RORA: variants seen among roughly 807,000 people sequenced by gnomAD.
RORA encodes nuclear receptor ROR-alpha.
Under a neutral mutation model 69.5 loss-of-function variants are expected in RORA, and 7 were observed. The observed-to-expected ratio is 0.10, with a 90% confidence interval of 0.06 to 0.19. The LOEUF (loss-of-function observed/expected upper bound fraction) is 0.19, where lower values mean the gene tolerates loss of function less well. Among genes scored for constraint, RORA ranks in the 10% least tolerant of loss-of-function variants. RORA has a pLI of 1.00. For synonymous variants in RORA, 261 were observed against 240.8 expected (o/e 1.08, Z -0.78); for missense variants, 457 against 663.0 (o/e 0.69, Z 3.41).
At position 60,859,474 on chromosome 15, in the gene RORA, CTT is replaced by C. The variant is rs3053901; in HGVS notation, c.167-180790_167-180789del. On this transcript the variant is annotated intron_variant, in intron 1 of 10. Transcript: ENST00000335670. ...CTTACTGAATCTGAATTTTCTTTGC[CTT>C]TTTTTTTTTTTTTTTTGAGACAGGG... 2.9e-3 allele frequency among the ~76,000 whole-genome samples: 386 copies of C among 135,406 alleles called. 1 individual carries two copies. Among genetic ancestry groups the C allele is most frequent in the Non-Finnish European group, 4.8e-3 (302 of 62,956 alleles). 88.8% of individuals were successfully genotyped at this position (135,406 alleles called of 152,430 possible).
chr15:60,627,395 C>T (rs377593172), intron 2 of RORA: 1 of 1,613,944 alleles, frequency 6.2e-7, no homozygotes, highest in East Asian at 2.2e-5. Flanking sequence ...GGTTACCCAT[C>T]TGCCTCCAGA....
At chr15:60,547,580 C>A (rs948991935) in intron 2 of RORA, 1 of 150,848 alleles carries the variant, frequency 6.6e-6, no homozygotes, top group Non-Finnish European at 1.5e-5. Flanking sequence ...CCCACTTTGG[C>A]ATCCCAAAGT....
At chr15:61,141,858 G>A (rs1023082835) in intron 1 of RORA, among the ~76,000 whole-genome samples, 7 of 152,204 alleles carry the variant, frequency 4.6e-5, no homozygotes, top group Non-Finnish European at 1.0e-4. Flanking sequence ...GCTTGGATTG[G>A]ACTAACACCT....
intron 1 of RORA, among the ~76,000 whole-genome samples, chr15:60,907,290 T>C (rs1891572505): frequency 6.6e-6 from 1 of 152,048 alleles, no homozygotes; most frequent in Non-Finnish European, 1.5e-5. Flanking sequence ...TCATTGGGGA[T>C]TCATGGAATA....
chr15:60,868,804 G>C (rs913662667), intron 1 of RORA, among the ~76,000 whole-genome samples: 2 of 152,160 alleles, frequency 1.3e-5, no homozygotes, highest in African/African-American at 4.8e-5. Flanking sequence ...GCATTTTCCA[G>C]GGGGGAAAAA....
At chr15:60,616,336 G>A (rs547584205) in intron 2 of RORA, among the ~76,000 whole-genome samples, 5 of 152,252 alleles carry the variant, frequency 3.3e-5, no homozygotes, top group South Asian at 2.1e-4. Flanking sequence ...CAGCGCATGC[G>A]TCTGCCCTCT....
At chr15:60,675,219 C>T (rs1035694911) in intron 2 of RORA, among the ~76,000 whole-genome samples, 4 of 152,192 alleles carry the variant, frequency 2.6e-5, no homozygotes, top group Non-Finnish European at 4.4e-5. Flanking sequence ...ACCAACACAG[C>T]AGCTGATTCC....
chr15:60,502,443 G>A (rs2065360112), intron 8 of RORA, among the ~76,000 whole-genome samples: 1 of 152,012 alleles, frequency 6.6e-6, no homozygotes, highest in South Asian at 2.1e-4. Flanking sequence ...ACATCCTAAA[G>A]GTCATCCGAA....
At chr15:60,889,560 C>T (rs774295885) in intron 1 of RORA, among the ~76,000 whole-genome samples, 3 of 152,144 alleles carry the variant, frequency 2.0e-5, no homozygotes, top group African/African-American at 4.8e-5. Flanking sequence ...TTGGGGAGAG[C>T]GACAGTTGGA....
chr15:61,020,610 G>C (rs1438791666), intron 1 of RORA, among the ~76,000 whole-genome samples: 1 of 152,142 alleles, frequency 6.6e-6, no homozygotes, highest in African/African-American at 2.4e-5. Flanking sequence ...CCCTCAGAGA[G>C]ACTGATCAAA....
intron 1 of RORA, among the ~76,000 whole-genome samples, chr15:60,938,567 A>AATGCT (rs1245622380): frequency 6.6e-6 from 1 of 152,164 alleles, no homozygotes; most frequent in Non-Finnish European, 1.5e-5. Flanking sequence ...ATGTGGCATT[A>AATGCT]ATGCTACTCA....
At chr15:60,841,185 A>C in intron 1 of RORA, 1 of 532,428 alleles carries the variant, frequency 1.9e-6, no homozygotes, top group South Asian at 8.1e-5. Flanking sequence ...GAAAGAACAC[A>C]CACCCATAGA....
intron 2 of RORA, among the ~76,000 whole-genome samples, chr15:60,629,386 C>T (rs1200822922): frequency 6.6e-6 from 1 of 151,746 alleles, no homozygotes; most frequent in Admixed American, 6.6e-5. Context: ...GAGGTTTTGC[C>T]ATGTTGGCCA....
intron 1 of RORA, among the ~76,000 whole-genome samples, chr15:60,920,282 C>A (rs1477235158): frequency 6.6e-6 from 1 of 152,174 alleles, no homozygotes; most frequent in African/African-American, 2.4e-5. Context: ...TCTAAGTTAA[C>A]CTTTCTCTAA....
At chr15:60,898,187 C>A (rs1211338244) in intron 1 of RORA, among the ~76,000 whole-genome samples, 2 of 152,206 alleles carry the variant, frequency 1.3e-5, no homozygotes, top group African/African-American at 2.4e-5. Context: ...CTTGGCTCAA[C>A]TGCATATCAG....
At chr15:60,887,073 A>G (rs1414297152) in intron 1 of RORA, among the ~76,000 whole-genome samples, 1 of 152,208 alleles carries the variant, frequency 6.6e-6, no homozygotes, top group African/African-American at 2.4e-5. Flanking sequence ...GTTATCACAA[A>G]TGAAAACCAA....
At chr15:60,886,229 T>C (rs891818960) in intron 1 of RORA, among the ~76,000 whole-genome samples, 1 of 152,034 alleles carries the variant, frequency 6.6e-6, no homozygotes, top group Non-Finnish European at 1.5e-5. Context: ...AATATGAACA[T>C]TAAAAAAAGA....
In RORA at chr15:60,756,166, C is replaced by T. The variant is rs150025226; in HGVS notation, c.167-77480G>A. ...GATATTTTAATTTCTACTTAAATAA[C>T]TGGATGAATGTAGTGAATAATTACA... On this transcript the variant is annotated intron_variant, in intron 1 of 10. Coordinates refer to ENST00000335670, the MANE Select transcript of RORA (RefSeq NM_134261.3). Among the ~76,000 whole-genome samples the T allele has an allele frequency of 4.0e-3, 610 of 152,264 alleles. 3 individuals are homozygous for T. Among genetic ancestry groups the T allele is most frequent in the African/African-American group, 0.013 (551 of 41,544 alleles).
chr15:60,579,408 C>T (rs912173495), intron 2 of RORA, among the ~76,000 whole-genome samples: 4 of 151,838 alleles, frequency 2.6e-5, no homozygotes, highest in African/African-American at 7.3e-5. Context: ...GTGGGGTTCA[C>T]GTAAAGAAGA....
Sources: gnomAD v4.1 joint callset for allele counts (sites outside exome capture counted in the v4.1 genomes callset) on GRCh38, gnomAD v4.1.1 for gene constraint, MANE v1.5 for transcripts, NCBI Gene and HGNC (gene_info 2026-07-23, HGNC 2026-07-21) for gene names.